The following SERGEF variants were observed in gnomAD, a reference collection of about 807,000 sequenced individuals.
SERGEF encodes the protein secretion regulating guanine nucleotide exchange factor, also known as secretion-regulating guanine nucleotide exchange factor.
A neutral mutation model predicts 50.0 loss-of-function variants in SERGEF; 51 were observed. That is an observed-to-expected ratio of 1.02 (90% CI 0.81 to 1.29). The LOEUF (loss-of-function observed/expected upper bound fraction) is 1.29. Among genes scored for constraint, SERGEF ranks in the 50% most tolerant of loss-of-function variants. The pLI is 0.00. For missense variants in SERGEF, 521 were observed against 557.0 expected, an observed-to-expected ratio of 0.94 and a Z score of 0.65; for synonymous variants, 205 against 212.4, an observed-to-expected ratio of 0.97 and a Z score of 0.30.
At chr11:17,821,690 C>T (rs568399830) in intron 10 of SERGEF, among the ~76,000 whole-genome samples, 1 of 152,290 alleles carries the variant, frequency 6.6e-6, no homozygotes, top group Admixed American at 6.5e-5. Flanking sequence ...CATGCCTTTC[C>T]TTATCACATA....
At chr11:17,998,524 T>TTA (rs530204325) in intron 5 of SERGEF, among the ~76,000 whole-genome samples, 14 of 18,452 alleles carry the variant, frequency 7.6e-4, no homozygotes, top group Admixed American at 2.1e-3. Context: ...ATATATATGT[T>TTA]TATATGTGTG....
At chr11:18,012,607 T>G in intron 1 of SERGEF, 1 of 1,179,728 alleles carries the variant, frequency 8.5e-7, no homozygotes, top group Non-Finnish European at 1.1e-6. Flanking sequence ...CGGGCGATCC[T>G]CTCCACCGAG....
At chr11:17,951,311 A>G (rs947590836) in intron 9 of SERGEF, among the ~76,000 whole-genome samples, 2 of 152,134 alleles carry the variant, frequency 1.3e-5, no homozygotes, top group African/African-American at 4.8e-5. Context: ...CTATAACTCT[A>G]TGGGCAAGAT....
chr11:17,819,297 T>A (rs1401399664), intron 10 of SERGEF, among the ~76,000 whole-genome samples: 1 of 152,244 alleles, frequency 6.6e-6, no homozygotes, highest in Non-Finnish European at 1.5e-5. Context: ...TGTAGGTGTA[T>A]GTGTTATAGA....
At chr11:17,928,113 A>G (rs1254946991) in intron 9 of SERGEF, among the ~76,000 whole-genome samples, 1 of 152,252 alleles carries the variant, frequency 6.6e-6, no homozygotes, top group Non-Finnish European at 1.5e-5. Context: ...TGAACCAAGC[A>G]TTAGTGAATC....
At chr11:17,889,513 A>C (rs1851493521) in intron 9 of SERGEF, among the ~76,000 whole-genome samples, 1 of 152,234 alleles carries the variant, frequency 6.6e-6, no homozygotes, top group South Asian at 2.1e-4. Context: ...CTCTTAAAAA[A>C]TGTCAATGTC....
Position 17,988,691 on chromosome 11 carries a change from G to C in SERGEF, c.750C>G (p.Phe250Leu). ...CTTCTATTTTCTGGGGCACAGGAAG[G>C]AAAGCAGCCTCATTAGCCAGTTGCC... is the stretch of plus-strand genomic sequence containing the variant. ...KHGQLANEAA[F>L]LPVPQKIEAH... Residue 250 changes from phenylalanine (F) to leucine (L), a missense_variant, in exon 8 of 11, where the codon TTC (phenylalanine) becomes TTG (leucine). By Grantham distance (22) the Phe-to-Leu change is conservative. Coordinates refer to ENST00000265965, the MANE Select transcript of SERGEF (RefSeq NM_012139.4). 1 of 1,614,114 alleles carries C rather than the reference G, an allele frequency of 6.2e-7. No homozygotes were observed. Among genetic ancestry groups the C allele is most frequent in the Non-Finnish European group, 8.5e-7 (1 of 1,180,002 alleles).
intron 10 of SERGEF, among the ~76,000 whole-genome samples, chr11:17,828,701 T>A (rs767691411): frequency 5.9e-5 from 9 of 152,178 alleles, no homozygotes; most frequent in Non-Finnish European, 1.0e-4. Flanking sequence ...CCCAACCTGA[T>A]TAGTCAAAGC....
intron 9 of SERGEF, among the ~76,000 whole-genome samples, chr11:17,902,728 C>CA (rs1046759993): frequency 2.6e-5 from 4 of 152,122 alleles, no homozygotes; most frequent in African/African-American, 9.7e-5. Context: ...GACAAACAAA[C>CA]AAAAAATCAT....
chr11:17,887,810 G>C (rs1851459040), intron 9 of SERGEF, among the ~76,000 whole-genome samples: 2 of 152,172 alleles, frequency 1.3e-5, no homozygotes, highest in South Asian at 4.1e-4. Context: ...CAGTATAATG[G>C]ATACAGTGTA....
intron 9 of SERGEF, among the ~76,000 whole-genome samples, 168 bp downstream of exon 9, chr11:17,959,302 G>A (rs1852942405): frequency 1.3e-5 from 2 of 152,204 alleles, no homozygotes; most frequent in African/African-American, 4.8e-5. Context: ...TTATCTGGGT[G>A]ACTGACTTTT....
chr11:17,845,323 G>A (rs1162110859), intron 10 of SERGEF, among the ~76,000 whole-genome samples: 4 of 152,112 alleles, frequency 2.6e-5, no homozygotes, highest in South Asian at 4.2e-4. Flanking sequence ...TCAGGCCATC[G>A]GCCCTGGGGC....
At chr11:17,871,214 G>A (rs754569001) in intron 10 of SERGEF, among the ~76,000 whole-genome samples, 1 of 152,038 alleles carries the variant, frequency 6.6e-6, no homozygotes, top group African/African-American at 2.4e-5. Flanking sequence ...CAAAAGACAC[G>A]ATTAAGAGAG....
At chr11:17,837,917 G>A (rs973252285) in intron 10 of SERGEF, among the ~76,000 whole-genome samples, 4 of 151,940 alleles carry the variant, frequency 2.6e-5, no homozygotes, top group Non-Finnish European at 5.9e-5. Flanking sequence ...CACCCGCCTC[G>A]GCCTCCCAAA....
At chr11:17,942,599 G>A (rs573533797) in intron 9 of SERGEF, among the ~76,000 whole-genome samples, 16 of 152,030 alleles carry the variant, frequency 1.1e-4, no homozygotes, top group South Asian at 1.0e-3. Flanking sequence ...GCCTTTTATT[G>A]CTTTTTCTTG....
At chr11:17,837,172 A>G (rs938093055) in intron 10 of SERGEF, among the ~76,000 whole-genome samples, 5 of 151,938 alleles carry the variant, frequency 3.3e-5, no homozygotes, top group Non-Finnish European at 5.9e-5. Flanking sequence ...CCACACCCCC[A>G]TCCCCAAGTT....
intron 9 of SERGEF, among the ~76,000 whole-genome samples, chr11:17,912,837 T>C (rs1851979945): frequency 6.6e-6 from 1 of 152,220 alleles, no homozygotes; most frequent in African/African-American, 2.4e-5. Context: ...ACAGCCTTCA[T>C]ATTTTACATC....
chr11:17,959,453 G>A lies in SERGEF; in HGVS notation c.1011+17C>T, dbSNP rs764356490. The A allele has an allele frequency of 2.5e-5, 40 of 1,609,344 alleles. No individual in the cohort carries two copies. Among genetic ancestry groups the A allele is most frequent in the Non-Finnish European group, 3.3e-5 (39 of 1,177,248 alleles). ...AGAAAAAGGGACAGATTACATCTGT[G>A]AGAAGTCACTTCCTACCTCAGTTGC... On this transcript the variant is annotated intron_variant, in intron 9 of 10. Transcript: ENST00000265965.
chr11:17,994,716 CCTT>C (rs373015475), intron 6 of SERGEF, among the ~76,000 whole-genome samples: 3 of 152,208 alleles, frequency 2.0e-5, no homozygotes, highest in African/African-American at 7.2e-5. Flanking sequence ...ATCCAATGCT[CCTT>C]CTCCTTTCTA....
Sources: gnomAD v4.1 joint callset for allele counts (sites outside exome capture counted in the v4.1 genomes callset) on GRCh38, gnomAD v4.1.1 for gene constraint, MANE v1.5 for transcripts, NCBI Gene and HGNC (gene_info 2026-07-23, HGNC 2026-07-21) for gene names.